U2SURP: variants seen among roughly 807,000 people sequenced by gnomAD.
U2SURP encodes the protein U2 snRNP associated SURP domain containing.
A neutral mutation model predicts 144.9 loss-of-function variants in U2SURP; 9 were observed. The observed-to-expected ratio is 0.06, with a 90% CI of 0.04 to 0.11. The LOEUF (loss-of-function observed/expected upper bound fraction) is 0.11. U2SURP is among the 10% of genes least tolerant of loss of function. U2SURP has a pLI of 1.00. For missense variants in U2SURP, 724 were observed against 1,226.7 expected (o/e 0.59, Z 6.12); for synonymous variants, 408 against 396.8 (o/e 1.03, Z -0.33).
intron 24 of U2SURP, among the ~76,000 whole-genome samples, chr3:143,047,061 T>C (rs1413144652): frequency 1.4e-4 from 15 of 103,488 alleles, no homozygotes; most frequent in African/African-American, 2.2e-4. Context: ...CCCCCCCACC[T>C]CCCTCCCTGA....
intron 24 of U2SURP, 62 bp from the exon 25 acceptor site, chr3:143,050,877 A>T (rs1934822970): frequency 8.4e-7 from 1 of 1,188,758 alleles, no homozygotes; most frequent in South Asian, 1.4e-5. Context: ...AAAAGAAGCA[A>T]AACAGTGCTT....
Position 143,046,249 on chromosome 3 carries a change from G to A in U2SURP, c.2544+2973G>A, listed in dbSNP as rs144864487. 4.6e-3 allele frequency among the ~76,000 whole-genome samples: 645 copies of A among 139,674 alleles called. 4 individuals are homozygous for A. The highest frequency in any genetic ancestry group is 7.3e-3 in the Admixed American group (104 of 14,294). The allele number at this position is 139,674 out of a possible 152,430, so 91.6% of individuals were successfully genotyped here. Reference sequence around the variant, plus strand: ...AATCTTGTACCTATATGATGTTGTGGTGGCCAGAAGCCAGTTCTTTTTTTT... The same window carrying A: ...AATCTTGTACCTATATGATGTTGTGATGGCCAGAAGCCAGTTCTTTTTTTT... On this transcript the variant is annotated intron_variant, in intron 24 of 27. Coordinates refer to ENST00000473835, the MANE Select transcript of U2SURP (RefSeq NM_001080415.2).
chr3:143,023,933 C>T (rs772437228), intron 12 of U2SURP, 42 bp from the exon 13 acceptor site: 1 of 1,589,524 alleles, frequency 6.3e-7, no homozygotes, highest in South Asian at 1.1e-5. Context: ...TAACAATACT[C>T]ACATATTCTA....
At chr3:143,008,191 ATTAT>A (rs1935942448) in intron 1 of U2SURP, among the ~76,000 whole-genome samples, 1 of 152,236 alleles carries the variant, frequency 6.6e-6, no homozygotes, top group African/African-American at 2.4e-5. Flanking sequence ...TGTATTAGAG[ATTAT>A]TTAATTTGGT....
intron 4 of U2SURP, among the ~76,000 whole-genome samples, 185 bp downstream of exon 4, chr3:143,014,594 C>T (rs1936269363): frequency 6.6e-6 from 1 of 151,936 alleles, no homozygotes; most frequent in Non-Finnish European, 1.5e-5. Flanking sequence ...TGTTCCCTCA[C>T]CCTGTTTCTT....
At chr3:143,010,750 C>G in intron 1 of U2SURP, 65 bp from the exon 2 acceptor site, 1 of 1,285,208 alleles carries the variant, frequency 7.8e-7, no homozygotes, top group Non-Finnish European at 1.1e-6. Context: ...TTGTATAACA[C>G]GAGAGACATG....
intron 16 of U2SURP, among the ~76,000 whole-genome samples, chr3:143,029,785 G>A (rs533999276): frequency 1.8e-4 from 27 of 152,308 alleles, no homozygotes; most frequent in African/African-American, 6.5e-4. Flanking sequence ...TCAATGCAAA[G>A]GAAGAGTTTT....
chr3:143,016,770 C>A, intron 5 of U2SURP, 72 bp from the exon 6 acceptor site: 1 of 1,318,374 alleles, frequency 7.6e-7, no homozygotes, highest in Non-Finnish European at 1.0e-6. Flanking sequence ...CTAATTTTTA[C>A]TTGTTTTTAA....
At chr3:143,012,051 C>T (rs547036855) in intron 2 of U2SURP, 171 bp from the exon 3 acceptor site, 4 of 830,556 alleles carry the variant, frequency 4.8e-6, no homozygotes, top group African/African-American at 3.4e-5. Flanking sequence ...AAAACTTTCC[C>T]TGTTCTTAAG....
chr3:143,014,405 A>G lies in U2SURP; in HGVS notation c.317A>G (p.Lys106Arg). 1 of 1,591,076 alleles carries G rather than the reference A, an allele frequency of 6.3e-7. No homozygotes were observed. The highest frequency in any genetic ancestry group is 1.1e-5 in the South Asian group (1 of 89,408). The change falls in exon 4 of 28, where the codon AAA becomes AGA. Residue 106 changes from lysine to arginine, a missense_variant. Lys to Arg is a conservative substitution (Grantham distance 26). Transcript: ENST00000473835. ...LSKKEQEELK[K>R]KEDEKAAAEI... ...AAAAAGGAACAGGAAGAATTAAAGA[A>G]AAAGGTAATGTTGAAAATGTATTTT...
chr3:143,052,518 T>C lies in U2SURP; in HGVS notation c.2656-1158T>C, dbSNP rs531211648. Among the ~76,000 whole-genome samples, 8 of 152,366 alleles carry C rather than the reference T, an allele frequency of 5.3e-5. No homozygotes were observed. The East Asian group carries it at 1.5e-3, about 29-fold the overall frequency. Reference sequence around the variant, plus strand: ...TATTTGTGTTACCACTTTAGTCTCCTTTGATTATAATTGGAGAGAAGGAAT... The same window carrying C: ...TATTTGTGTTACCACTTTAGTCTCCCTTGATTATAATTGGAGAGAAGGAAT... On this transcript the variant is annotated intron_variant, in intron 25 of 27. Transcript: ENST00000473835.
At chr3:143,025,192 G>GT (rs1354917535) in intron 13 of U2SURP, among the ~76,000 whole-genome samples, 2 of 152,062 alleles carry the variant, frequency 1.3e-5, no homozygotes, top group Non-Finnish European at 2.9e-5. Context: ...TTACAAGCCT[G>GT]TTTAAAACTA....
chr3:143,008,604 G>A (rs1935964107), intron 1 of U2SURP, among the ~76,000 whole-genome samples: 1 of 152,208 alleles, frequency 6.6e-6, no homozygotes, highest in Non-Finnish European at 1.5e-5. Flanking sequence ...GGTGGCTTGA[G>A]TAACTGGATT....
intron 1 of U2SURP, among the ~76,000 whole-genome samples, chr3:143,007,444 A>ATTTT (rs397877854): frequency 4.7e-4 from 56 of 118,226 alleles, no homozygotes; most frequent in African/African-American, 1.5e-3. Context: ...CTTTCAAGAG[A>ATTTT]TTTTTTTTTT....
At chr3:143,009,871 G>C (rs1936035062) in intron 1 of U2SURP, among the ~76,000 whole-genome samples, 1 of 152,028 alleles carries the variant, frequency 6.6e-6, no homozygotes, top group African/African-American at 2.4e-5. Flanking sequence ...TACTTTATAT[G>C]ACATCTTGTC....
At chr3:143,042,614 A>G (rs1392254042) in intron 23 of U2SURP, among the ~76,000 whole-genome samples, 1 of 151,910 alleles carries the variant, frequency 6.6e-6, no homozygotes, top group Non-Finnish European at 1.5e-5. Context: ...CCATCCTTCC[A>G]TGTCCCAGAA....
intron 24 of U2SURP, among the ~76,000 whole-genome samples, chr3:143,049,023 G>A (rs534519064): frequency 6.6e-6 from 1 of 151,680 alleles, no homozygotes; most frequent in East Asian, 1.9e-4. Flanking sequence ...GGGAGGCCAA[G>A]CTGGGTGTAT....
chr3:143,001,734 A>T, intron 1 of U2SURP, 61 bp downstream of exon 1: 1 of 1,603,164 alleles, frequency 6.2e-7, no homozygotes, highest in South Asian at 1.1e-5. Flanking sequence ...GGGCCCACAG[A>T]CGCTTCTGGC....
At chr3:143,041,864 A>C (rs996568558) in intron 23 of U2SURP, among the ~76,000 whole-genome samples, 2 of 152,162 alleles carry the variant, frequency 1.3e-5, no homozygotes, top group Non-Finnish European at 2.9e-5. Context: ...TAATGTTATC[A>C]CAGTCAACAT....
Sources: gnomAD v4.1 joint callset for allele counts (sites outside exome capture counted in the v4.1 genomes callset) on GRCh38, gnomAD v4.1.1 for gene constraint, MANE v1.5 for transcripts, NCBI Gene and HGNC (gene_info 2026-07-23, HGNC 2026-07-21) for gene names.